EEPD1: variants seen among roughly 807,000 people sequenced by gnomAD.
EEPD1 encodes endonuclease/exonuclease/phosphatase family domain-containing protein 1.
In EEPD1, 17 loss-of-function variants were observed where a neutral mutation model predicts 46.3. That is an observed-to-expected ratio of 0.37 (90% CI 0.25 to 0.55). The LOEUF is 0.55. Among genes scored for constraint, EEPD1 ranks in the 20% least tolerant of loss-of-function variants. EEPD1 has a pLI of 0.83. For missense variants in EEPD1, 673 were observed against 745.6 expected, an observed-to-expected ratio of 0.90 and a Z score of 1.13; for synonymous variants, 313 against 315.6, an observed-to-expected ratio of 0.99 and a Z score of 0.09.
In EEPD1 at chr7:36,175,446, G is replaced by C. The variant is rs61600986; in HGVS notation, c.878+20244G>C. Among the ~76,000 whole-genome samples the C allele has an allele frequency of 4.5e-3, 687 of 152,108 alleles. 2 individuals carry two copies. The highest frequency in any genetic ancestry group is 0.015 in the African/African-American group (635 of 41,496). On this transcript the variant is annotated intron_variant, in intron 2 of 7. Transcript: ENST00000242108. ...GAGGTCTCACCATGTTGCCCTGGCTGGTCTCAAACTCCTGGGTTCAAGCGA... is the reference window on the plus strand; with the variant it reads ...GAGGTCTCACCATGTTGCCCTGGCTCGTCTCAAACTCCTGGGTTCAAGCGA...
chr7:36,297,245 T>C, intron 7 of EEPD1, 58 bp downstream of exon 7: 1 of 1,577,250 alleles, frequency 6.3e-7, no homozygotes. Context: ...GAGAAACATG[T>C]CTGAACTGAC....
At chr7:36,286,970 C>G (rs1787350263) in intron 5 of EEPD1, among the ~76,000 whole-genome samples, 1 of 152,098 alleles carries the variant, frequency 6.6e-6, no homozygotes, top group African/African-American at 2.4e-5. Flanking sequence ...TGCCTATAAT[C>G]CCAGAACTTT....
chr7:36,266,998 A>G (rs905042430), intron 3 of EEPD1, among the ~76,000 whole-genome samples: 3 of 152,156 alleles, frequency 2.0e-5, no homozygotes, highest in Non-Finnish European at 2.9e-5. Flanking sequence ...GGTCATTTCC[A>G]TCTTCGAGCT....
At chr7:36,187,611 T>C (rs1785382632) in intron 2 of EEPD1, among the ~76,000 whole-genome samples, 1 of 152,238 alleles carries the variant, frequency 6.6e-6, no homozygotes, top group African/African-American at 2.4e-5. Flanking sequence ...AATATTTCAT[T>C]GTATGTATAC....
chr7:36,252,829 C>CTAT (rs1786772128), intron 3 of EEPD1, among the ~76,000 whole-genome samples: 3 of 54,850 alleles, frequency 5.5e-5, no homozygotes, highest in Non-Finnish European at 9.3e-5. Flanking sequence ...GTGTTCTCTC[C>CTAT]TTTTTTTTTT....
At chr7:36,284,644 T>C (rs1477451040) in intron 4 of EEPD1, 42 bp from the exon 5 acceptor site, 5 of 1,593,378 alleles carry the variant, frequency 3.1e-6, no homozygotes, top group East Asian at 2.3e-5. Context: ...CAGGTGGCGC[T>C]AGGGCTCTGG....
chr7:36,203,335 G>A lies in EEPD1; in HGVS notation c.879-35650G>A, dbSNP rs140388571. On this transcript the variant is annotated intron_variant, in intron 2 of 7. Transcript: ENST00000242108. ...CAGGTCACACCCACACCATGCAGTC[G>A]CCATTCCTGTTTTGTGTTCATTTTC... is the stretch of plus-strand genomic sequence containing the variant. 5.8e-3 allele frequency among the ~76,000 whole-genome samples: 870 copies of A among 150,084 alleles called. 33 individuals are homozygous for A. Among genetic ancestry groups the A allele is most frequent in the Admixed American group, 0.049 (750 of 15,242 alleles).
At chr7:36,211,006 A>T (rs1041557291) in intron 2 of EEPD1, among the ~76,000 whole-genome samples, 1 of 152,160 alleles carries the variant, frequency 6.6e-6, no homozygotes, top group South Asian at 2.1e-4. Context: ...TCATCTATGT[A>T]ATGGGAATAA....
In EEPD1 at chr7:36,269,667, G is replaced by A. The variant is rs150398658; in HGVS notation, c.931-11448G>A. 6.3e-3 allele frequency among the ~76,000 whole-genome samples: 961 copies of A among 152,222 alleles called. 10 individuals carry two copies. The highest frequency in any genetic ancestry group is 0.022 in the African/African-American group (927 of 41,520). On this transcript the variant is annotated intron_variant, in intron 3 of 7. Transcript: ENST00000242108. ...TCCCAGTACTTCAGGAGGCCCATGC[G>A]GAAGGATCGCCTGAACCCAGGAGTT...
chr7:36,181,964 T>C (rs1414087214), intron 2 of EEPD1, among the ~76,000 whole-genome samples: 2 of 152,200 alleles, frequency 1.3e-5, no homozygotes, highest in Non-Finnish European at 2.9e-5. Context: ...GCCATCCCGG[T>C]TCCCATCTGT....
intron 2 of EEPD1, among the ~76,000 whole-genome samples, chr7:36,204,399 A>G (rs1785773835): frequency 6.6e-6 from 1 of 151,194 alleles, no homozygotes; most frequent in Non-Finnish European, 1.5e-5. Context: ...TAATTTATCT[A>G]AGAACAGCAG....
chr7:36,268,237 T>C (rs2115843900), intron 3 of EEPD1, among the ~76,000 whole-genome samples: 1 of 151,626 alleles, frequency 6.6e-6, no homozygotes, highest in East Asian at 2.0e-4. Flanking sequence ...CTGCAACCTC[T>C]GCCTCGCAGG....
At chr7:36,202,045 C>T (rs1465345369) in intron 2 of EEPD1, among the ~76,000 whole-genome samples, 9 of 152,192 alleles carry the variant, frequency 5.9e-5, no homozygotes, top group Admixed American at 2.0e-4. Context: ...CAAGACTGCA[C>T]GTGTGCAAGA....
chr7:36,179,508 C>T (rs1785236361), intron 2 of EEPD1, among the ~76,000 whole-genome samples: 1 of 151,458 alleles, frequency 6.6e-6, no homozygotes, highest in African/African-American at 2.4e-5. Context: ...TTGCTTGAAG[C>T]CCAGGAGTTC....
rs558735022 is a variant in EEPD1, at chr7:36,229,970, C to T, written c.879-9015C>T. On this transcript the variant is annotated intron_variant, in intron 2 of 7. Transcript: ENST00000242108. ...GGACTTGCTGAGGTACAGCCAGTTA[C>T]CTCCTCAAACTCCACTCAAAGGTCC... 1.5e-4 allele frequency among the ~76,000 whole-genome samples: 9 copies of T among 61,114 alleles called. No homozygotes were observed. The East Asian group carries it at 2.5e-3, about 17-fold the overall frequency. 40.1% of individuals were successfully genotyped at this position (61,114 alleles called of 152,430 possible).
intron 2 of EEPD1, among the ~76,000 whole-genome samples, chr7:36,160,024 G>A (rs1315968728): frequency 6.6e-6 from 1 of 152,226 alleles, no homozygotes; most frequent in Non-Finnish European, 1.5e-5. Context: ...TAAAGGGAAA[G>A]GTGTGACTTT....
intron 2 of EEPD1, among the ~76,000 whole-genome samples, chr7:36,162,344 G>T (rs1255702658): frequency 6.6e-6 from 1 of 152,156 alleles, no homozygotes. Flanking sequence ...GCAGACTCTT[G>T]AATAAAGAAA....
intron 2 of EEPD1, among the ~76,000 whole-genome samples, chr7:36,180,241 G>A (rs1251869389): frequency 6.6e-6 from 1 of 152,328 alleles, no homozygotes; most frequent in East Asian, 1.9e-4. Flanking sequence ...CCTGTGCGTG[G>A]GCATGAAAGT....
At chr7:36,190,338 C>T (rs528336292) in intron 2 of EEPD1, among the ~76,000 whole-genome samples, 1 of 152,258 alleles carries the variant, frequency 6.6e-6, no homozygotes, top group East Asian at 1.9e-4. Context: ...CACCACTGCA[C>T]TCCAGCCTGG....
Sources: gnomAD v4.1 joint callset for allele counts (sites outside exome capture counted in the v4.1 genomes callset) on GRCh38, gnomAD v4.1.1 for gene constraint, MANE v1.5 for transcripts, NCBI Gene and HGNC (gene_info 2026-07-23, HGNC 2026-07-21) for gene names.